The following APOOL variants were observed in gnomAD, a reference collection of about 807,000 sequenced individuals.
APOOL encodes MICOS complex subunit MIC27.
Under a neutral mutation model 23.1 loss-of-function variants are expected in APOOL, and 12 were observed. The observed-to-expected ratio is 0.52, with a 90% CI of 0.33 to 0.84. The LOEUF (loss-of-function observed/expected upper bound fraction) is 0.84. Ranked by LOEUF, APOOL falls within the 40% of genes least tolerant of loss-of-function variation. APOOL has a pLI of 0.02. For missense variants in APOOL, 212 were observed against 199.6 expected (o/e 1.06, Z -0.37); for synonymous variants, 77 against 69.9 (o/e 1.10, Z -0.51).
At chrX:85,086,786 G>GC (rs1405034354) in intron 8 of APOOL, among the ~76,000 whole-genome samples, 5 of 72,073 alleles carry the variant, frequency 6.9e-5, no homozygotes, top group Non-Finnish European at 1.0e-4. Context: ...TGCAAGCTCC[G>GC]CTTCCCGGGT....
At position 85,092,853 on chromosome X, in the gene APOOL, A is replaced by T. The variant is rs910885619; in HGVS notation, c.*5175A>T. On this transcript the variant is annotated 3_prime_UTR_variant, in exon 9 of 9. Transcript: ENST00000373173. ...TCATATGTTTCCAAAATACAAGAAG[A>T]TCTTGCTTTTATAGTCTTGTAATAT... 4.0e-5 allele frequency: 13 copies of T among 322,662 alleles called. No homozygotes were observed. The highest frequency in any genetic ancestry group is 3.4e-4 in the African/African-American group (13 of 37,901). 26.6% of individuals were successfully genotyped at this position (322,662 alleles called of 1,213,427 possible). A position where few individuals can be genotyped will look rare whatever the true frequency, so the allele number is the denominator to read the frequency against.
At chrX:85,066,405 A>T (rs1159766576) in intron 5 of APOOL, among the ~76,000 whole-genome samples, 1 of 111,503 alleles carries the variant, frequency 9.0e-6, no homozygotes, top group Non-Finnish European at 1.9e-5. Context: ...AGGGTTTGAT[A>T]CAGAGCTTCC....
chrX:85,046,678 G>C (rs1346957222), intron 2 of APOOL, 128 bp downstream of exon 2: 1 of 524,834 alleles, frequency 1.9e-6, no homozygotes, highest in Non-Finnish European at 3.1e-6. Context: ...ATTAAAAGTT[G>C]AGAGAAATAG....
intron 1 of APOOL, among the ~76,000 whole-genome samples, chrX:85,043,810 T>C (rs778744174): frequency 6.0e-4 from 67 of 112,010 alleles, no homozygotes; most frequent in African/African-American, 1.8e-3. Flanking sequence ...ATGAAATACA[T>C]GTGCAAAGAA....
intron 1 of APOOL, among the ~76,000 whole-genome samples, chrX:85,015,063 G>A (rs915565120): frequency 1.6e-4 from 18 of 110,269 alleles, no homozygotes; most frequent in Non-Finnish European, 3.2e-4. Flanking sequence ...TAATTCGAAA[G>A]CCTTGTCTTC....
chrX:85,020,726 A>G (rs985046914), intron 1 of APOOL, among the ~76,000 whole-genome samples: 5 of 111,602 alleles, frequency 4.5e-5, no homozygotes, highest in Non-Finnish European at 7.5e-5. Context: ...AGCCTTAGTC[A>G]TCAGGCTACC....
chrX:85,051,370 G>A lies in APOOL; in HGVS notation c.121-19G>A. 1.7e-6 allele frequency: 2 copies of A among 1,205,903 alleles called. No homozygotes were observed. Among genetic ancestry groups the A allele is most frequent in the African/African-American group, 3.6e-5 (2 of 55,583 alleles). The stretch of plus-strand genomic sequence containing the variant: ...TCCAGCTATTTTATGTTTTTGACAT[G>A]AACATTTTTTGCCTGTAGCTCCCCA... On this transcript the variant is annotated intron_variant, in intron 2 of 8. Coordinates refer to ENST00000373173, the MANE Select transcript of APOOL (RefSeq NM_198450.6).
rs776555743 is a variant in APOOL, at chrX:85,078,329, C to G, written c.718+3938C>G. ...ATATGACTAGCCAGTTTTCCCAGCA[C>G]CATTTATTAAATAGGGAATCCTTTC... On this transcript the variant is annotated intron_variant, in intron 8 of 8. Transcript: ENST00000373173. 4.5e-5 allele frequency among the ~76,000 whole-genome samples: 5 copies of G among 111,723 alleles called. No homozygotes were observed. In the East Asian group the frequency reaches 1.1e-3, roughly 25 times the overall value.
intron 1 of APOOL, among the ~76,000 whole-genome samples, chrX:85,035,039 G>A (rs1387911534): frequency 8.9e-6 from 1 of 111,824 alleles, no homozygotes; most frequent in Non-Finnish European, 1.9e-5. Context: ...TATCCAAACT[G>A]CTTTCCACAG....
intron 6 of APOOL, 89 bp from the exon 7 acceptor site, chrX:85,073,909 T>G: frequency 1.7e-6 from 1 of 578,728 alleles, no homozygotes; most frequent in South Asian, 3.7e-5. Flanking sequence ...GACTTGAGTG[T>G]TCATATAAAA....
intron 5 of APOOL, among the ~76,000 whole-genome samples, chrX:85,058,024 A>T (rs1410111427): frequency 5.4e-5 from 6 of 111,277 alleles, no homozygotes; most frequent in Non-Finnish European, 1.1e-4. Flanking sequence ...ATTAGTAGGT[A>T]GTGACATAAA....
chrX:85,074,521 T>C, intron 8 of APOOL, 130 bp downstream of exon 8: 1 of 799,833 alleles, frequency 1.3e-6, no homozygotes, highest in Non-Finnish European at 1.8e-6. Flanking sequence ...CTGTGGTTTC[T>C]GTTTCTTTTT....
At chrX:85,079,779 G>C in intron 8 of APOOL, among the ~76,000 whole-genome samples, 1 of 111,516 alleles carries the variant, frequency 9.0e-6, no homozygotes, top group South Asian at 3.8e-4. Context: ...CCTGTTATTG[G>C]TCTCTTCAGA....
At chrX:85,069,644 C>CAA (rs1923596048) in intron 6 of APOOL, among the ~76,000 whole-genome samples, 1 of 101,371 alleles carries the variant, frequency 9.9e-6, no homozygotes, top group Non-Finnish European at 2.0e-5. Context: ...AAAATCTTTC[C>CAA]TTTTTCTCTA....
intron 1 of APOOL, among the ~76,000 whole-genome samples, chrX:85,044,003 C>A (rs988511129): frequency 9.0e-6 from 1 of 111,441 alleles, no homozygotes; most frequent in Admixed American, 9.5e-5. Flanking sequence ...TAATAGTTAA[C>A]CTAATTAAGA....
At chrX:85,057,206 T>C (rs965576302) in intron 5 of APOOL, among the ~76,000 whole-genome samples, 10 of 110,794 alleles carry the variant, frequency 9.0e-5, no homozygotes, top group Non-Finnish European at 1.5e-4. Flanking sequence ...TCCAAGCCCT[T>C]ACTAAGCTGG....
At chrX:85,029,871 A>G (rs1366068907) in intron 1 of APOOL, among the ~76,000 whole-genome samples, 1 of 112,071 alleles carries the variant, frequency 8.9e-6, no homozygotes, top group Non-Finnish European at 1.9e-5. Flanking sequence ...GTAGCTGTTC[A>G]TGTGGATGTG....
Position 85,074,007 on chromosome X carries a change from A to G in APOOL, c.496A>G (p.Lys166Glu). The stretch of plus-strand genomic sequence containing the variant: ...TTTTTGTTTTAATTAGGTAACAGCA[A>G]AAAAGGTATATGCTACAAGCCAGCA... ...QSVIIAKVTA[K>E]KVYATSQQIF... The change falls in exon 7 of 9, where the codon AAA becomes GAA. Residue 166 changes from lysine to glutamate, a missense_variant. Physicochemically the swap from Lys to Glu is moderately conservative, Grantham distance 56 (BLOSUM62 1). Transcript: ENST00000373173. 2 of 1,150,186 alleles carry G rather than the reference A, an allele frequency of 1.7e-6. No homozygotes were observed. The highest frequency in any genetic ancestry group is 2.3e-6 in the Non-Finnish European group (2 of 866,058). 94.8% of individuals were successfully genotyped at this position (1,150,186 alleles called of 1,213,427 possible).
At chrX:85,068,790 T>A (rs1486346210) in intron 6 of APOOL, among the ~76,000 whole-genome samples, 1 of 111,228 alleles carries the variant, frequency 9.0e-6, no homozygotes, top group Non-Finnish European at 1.9e-5. Flanking sequence ...TCTAAATATT[T>A]CAGAAAAGTT....
Sources: allele counts gnomAD v4.1 joint callset (sites outside exome capture counted in the v4.1 genomes callset), GRCh38; gene constraint gnomAD v4.1.1; transcripts MANE v1.5; gene names NCBI Gene and HGNC (gene_info 2026-07-23, HGNC 2026-07-21).